The following RUFY2 variants were observed in gnomAD, a reference collection of about 807,000 sequenced individuals.
RUFY2 encodes the protein RUN and FYVE domain-containing protein 2.
Under a neutral mutation model 94.4 loss-of-function variants are expected in RUFY2, and 49 were observed. The observed-to-expected ratio is 0.52, with a 90% CI of 0.41 to 0.66. The LOEUF (loss-of-function observed/expected upper bound fraction) is 0.66, where lower values mean the gene tolerates loss of function less well. Among genes scored for constraint, RUFY2 ranks in the 30% least tolerant of loss-of-function variants. The pLI, the probability that RUFY2 is intolerant of heterozygous loss-of-function variation, is 0.00. For missense variants in RUFY2, 541 were observed against 692.8 expected, an observed-to-expected ratio of 0.78 and a Z score of 2.46; for synonymous variants, 255 against 235.7, an observed-to-expected ratio of 1.08 and a Z score of -0.75.
chr10:68,351,435 C>G (rs2046665913), intron 16 of RUFY2, among the ~76,000 whole-genome samples: 1 of 146,490 alleles, frequency 6.8e-6, no homozygotes, highest in Non-Finnish European at 1.5e-5. Flanking sequence ...CACGCCCAAC[C>G]TCCACCCATC....
intron 16 of RUFY2, among the ~76,000 whole-genome samples, chr10:68,348,990 TACA>T (rs386744951): frequency 0.26 from 39,766 of 151,862 alleles, 5,353 homozygotes; most frequent in Non-Finnish European, 0.28. Flanking sequence ...GATAGGATAC[TACA>T]GGATTCTTCT....
chr10:68,354,873 G>GTC (rs1477051727), intron 16 of RUFY2, among the ~76,000 whole-genome samples: 1 of 147,452 alleles, frequency 6.8e-6, no homozygotes, highest in Non-Finnish European at 1.5e-5. Flanking sequence ...TTGAGAAAGA[G>GTC]TCTCGCTCTG....
chr10:68,368,368 A>G (rs2048014216), intron 13 of RUFY2, among the ~76,000 whole-genome samples: 2 of 151,882 alleles, frequency 1.3e-5, no homozygotes, highest in Admixed American at 1.3e-4. Flanking sequence ...AGAAATATTA[A>G]TTTCTCAAAT....
chr10:68,355,422 T>A (rs765176097), intron 15 of RUFY2, 21 bp from the exon 16 acceptor site: 4 of 1,520,376 alleles, frequency 2.6e-6, no homozygotes, highest in South Asian at 1.1e-5. Context: ...TACAAATAGG[T>A]CCAAATTTCA....
chr10:68,383,227 A>C (rs2049218092), intron 10 of RUFY2, among the ~76,000 whole-genome samples: 1 of 152,158 alleles, frequency 6.6e-6, no homozygotes, highest in African/African-American at 2.4e-5. Context: ...TGGGAGGCTG[A>C]GGTACAAGAA....
rs558708295 is a variant in RUFY2 at position 68,356,491 on chromosome 10, G to A, written c.1551-1090C>T. On this transcript the variant is annotated intron_variant, in intron 15 of 17. Transcript: ENST00000602465. ...ACTGCACTCCAGCCTGGGTGACAGC[G>A]AGATGCCGTCTCAAAAACAGCAACA... Among the ~76,000 whole-genome samples, 4 of 152,188 alleles carry A rather than the reference G, an allele frequency of 2.6e-5. No individual in the cohort carries two copies. In the South Asian group the frequency reaches 6.2e-4, roughly 24 times the overall value.
chr10:68,383,206 T>C (rs761695785), intron 10 of RUFY2, among the ~76,000 whole-genome samples: 3 of 151,746 alleles, frequency 2.0e-5, no homozygotes, highest in Non-Finnish European at 4.4e-5. Flanking sequence ...ATGCCTGTAG[T>C]CCCAGCTACT....
chr10:68,382,477 G>A (rs997491718), intron 10 of RUFY2, among the ~76,000 whole-genome samples: 1 of 151,596 alleles, frequency 6.6e-6, no homozygotes, highest in African/African-American at 2.4e-5. Flanking sequence ...CACTTTAGGA[G>A]GCCAAGGTGG....
intron 2 of RUFY2, among the ~76,000 whole-genome samples, chr10:68,403,147 C>CT (rs200924956): frequency 0.053 from 7,722 of 145,272 alleles, 272 homozygotes; most frequent in Non-Finnish European, 0.08. Context: ...CACCCAGCCA[C>CT]TTTTTTTTTT....
chr10:68,384,222 A>G, intron 8 of RUFY2, 70 bp from the exon 9 acceptor site: 2 of 1,491,408 alleles, frequency 1.3e-6, no homozygotes, highest in South Asian at 2.7e-5. Context: ...GGTTATGTGC[A>G]TGGCCATAAA....
chr10:68,406,946 C>T, intron 1 of RUFY2: 1 of 1,551,874 alleles, frequency 6.4e-7, no homozygotes, highest in Non-Finnish European at 8.7e-7. Context: ...GCACCTCGAG[C>T]CCTCGGCCAC....
chr10:68,353,584 GAGGAC>G (rs1800399136), intron 16 of RUFY2, among the ~76,000 whole-genome samples: 1 of 151,770 alleles, frequency 6.6e-6, no homozygotes, highest in Non-Finnish European at 1.5e-5. Context: ...AGGACTGCCC[GAGGAC>G]AGGTGTTCAA....
At chr10:68,388,522 C>A (rs1014726333) in intron 7 of RUFY2, among the ~76,000 whole-genome samples, 1 of 151,970 alleles carries the variant, frequency 6.6e-6, no homozygotes, top group African/African-American at 2.4e-5. Flanking sequence ...TCTAAAGGTA[C>A]AATAACTACT....
intron 13 of RUFY2, among the ~76,000 whole-genome samples, chr10:68,370,234 G>A (rs1029484602): frequency 6.6e-6 from 1 of 151,986 alleles, no homozygotes; most frequent in African/African-American, 2.4e-5. Flanking sequence ...GCAGTGAGCC[G>A]AGATTGCACC....
At chr10:68,353,089 T>C (rs2046799468) in intron 16 of RUFY2, among the ~76,000 whole-genome samples, 2 of 152,152 alleles carry the variant, frequency 1.3e-5, no homozygotes, top group South Asian at 4.2e-4. Flanking sequence ...GCCCAGCACT[T>C]TGGGAGGCCG....
chr10:68,382,609 G>C (rs1251768878), intron 10 of RUFY2, among the ~76,000 whole-genome samples: 1 of 151,048 alleles, frequency 6.6e-6, no homozygotes, highest in Non-Finnish European at 1.5e-5. Flanking sequence ...AGCTACTCGG[G>C]AGGCTGAGGC....
At chr10:68,372,591 A>AG (rs2048354106) in intron 13 of RUFY2, among the ~76,000 whole-genome samples, 1 of 149,160 alleles carries the variant, frequency 6.7e-6, no homozygotes, top group African/African-American at 2.5e-5. Flanking sequence ...TTTAAAAAAA[A>AG]AAAAAAAAAA....
intron 7 of RUFY2, among the ~76,000 whole-genome samples, chr10:68,392,810 C>A (rs1187977444): frequency 6.6e-6 from 1 of 151,214 alleles, no homozygotes; most frequent in Admixed American, 6.6e-5. Context: ...CGCCTATAGT[C>A]CCAGCTACTC....
In RUFY2 at chr10:68,343,703, C is replaced by T. The variant is rs1470930878; in HGVS notation, c.*2065G>A. ...TAAAATGAATACGAGTTCACAATCA[C>T]GAAATACAGATTGTTAAAAGTCTTG... On this transcript the variant is annotated 3_prime_UTR_variant, in exon 18 of 18. Coordinates refer to ENST00000602465, the MANE Select transcript of RUFY2 (RefSeq NM_001330103.2). 5 of 149,040 alleles carry T rather than the reference C, an allele frequency of 3.4e-5. No individual in the cohort carries two copies. Among genetic ancestry groups the T allele is most frequent in the Non-Finnish European group, 5.9e-5 (4 of 67,638 alleles). 9.2% of individuals were successfully genotyped at this position (149,040 alleles called of 1,614,324 possible).
Sources: gnomAD v4.1 joint callset for allele counts (sites outside exome capture counted in the v4.1 genomes callset) on GRCh38, gnomAD v4.1.1 for gene constraint, MANE v1.5 for transcripts, NCBI Gene and HGNC (gene_info 2026-07-23, HGNC 2026-07-21) for gene names.